The following GABPB2 variants were observed in gnomAD, a reference collection of about 807,000 sequenced individuals.
GABPB2 encodes GA binding protein transcription factor subunit beta 2.
In GABPB2, 23 loss-of-function variants were observed where a neutral mutation model predicts 39.1. The observed-to-expected ratio is 0.59, with a 90% CI of 0.42 to 0.83. The LOEUF (loss-of-function observed/expected upper bound fraction) is 0.83, where lower values mean the gene tolerates loss of function less well. Among genes scored for constraint, GABPB2 ranks in the 40% least tolerant of loss-of-function variants. The pLI is 0.00. For missense variants in GABPB2, 467 were observed against 541.1 expected, an observed-to-expected ratio of 0.86 and a Z score of 1.36; for synonymous variants, 184 against 199.3, an observed-to-expected ratio of 0.92 and a Z score of 0.65.
At chr1:151,072,108 A>C (rs764595959) in intron 1 of GABPB2, among the ~76,000 whole-genome samples, 1 of 152,240 alleles carries the variant, frequency 6.6e-6, no homozygotes, top group African/African-American at 2.4e-5. Context: ...ATGTATTTTC[A>C]CACGTGCTTT....
At chr1:151,088,078 G>A in intron 1 of GABPB2, 112 bp from the exon 2 acceptor site, 1 of 681,674 alleles carries the variant, frequency 1.5e-6, no homozygotes, top group Non-Finnish European at 2.6e-6. Context: ...CAGTCAACTT[G>A]AGATGTATCT....
At chr1:151,084,550 T>A (rs1678010731) in intron 1 of GABPB2, among the ~76,000 whole-genome samples, 1 of 139,104 alleles carries the variant, frequency 7.2e-6, no homozygotes, top group Non-Finnish European at 1.6e-5. Context: ...TTTTTTTTTT[T>A]TTGAGACGGA....
At chr1:151,104,643 A>G (rs1679789496) in intron 6 of GABPB2, among the ~76,000 whole-genome samples, 1 of 152,100 alleles carries the variant, frequency 6.6e-6, no homozygotes, top group Non-Finnish European at 1.5e-5. Context: ...CAGCTTTAAT[A>G]TTTAACTGTT....
chr1:151,088,013 C>A, intron 1 of GABPB2, 177 bp from the exon 2 acceptor site: 1 of 553,340 alleles, frequency 1.8e-6, no homozygotes, highest in Non-Finnish European at 3.3e-6. Flanking sequence ...TTGAAACATT[C>A]CCAAATATTT....
intron 6 of GABPB2, among the ~76,000 whole-genome samples, chr1:151,104,804 T>TC (rs34894221): frequency 1.3e-5 from 2 of 150,074 alleles, no homozygotes; most frequent in Non-Finnish European, 3.0e-5. Flanking sequence ...TTTCTTTCTT[T>TC]TCTTTCTTTC....
At chr1:151,109,284 A>G (rs1680196802) in intron 7 of GABPB2, among the ~76,000 whole-genome samples, 1 of 148,974 alleles carries the variant, frequency 6.7e-6, no homozygotes, top group South Asian at 2.1e-4. Flanking sequence ...CTTGGCTTAA[A>G]TGATTGTGGG....
chr1:151,109,885 C>G (rs1012835762), intron 7 of GABPB2, among the ~76,000 whole-genome samples: 10 of 151,786 alleles, frequency 6.6e-5, no homozygotes, highest in African/African-American at 2.4e-4. Flanking sequence ...GTCACCCAGG[C>G]TGGAGTGCAG....
intron 4 of GABPB2, among the ~76,000 whole-genome samples, 199 bp downstream of exon 4, chr1:151,093,585 C>T (rs587675525): frequency 1.8e-4 from 27 of 149,294 alleles, no homozygotes; most frequent in African/African-American, 4.6e-4. Context: ...TATATGTATA[C>T]GCATATATAT....
In GABPB2 at chr1:151,119,479, C is replaced by T; in HGVS notation, c.*1223C>T. On this transcript the variant is annotated 3_prime_UTR_variant, in exon 9 of 9. Coordinates refer to ENST00000368918, the MANE Select transcript of GABPB2 (RefSeq NM_144618.3). ...AATTGGCCGGGCGCAGCGGCTCACG[C>T]CTGTAATCCCAGCACTTTCGGAGGC... is the stretch of plus-strand genomic sequence containing the variant. 1 of 152,396 alleles carries T rather than the reference C, an allele frequency of 6.6e-6. No individual in the cohort carries two copies. Among genetic ancestry groups the T allele is most frequent in the Non-Finnish European group, 1.5e-5 (1 of 68,176 alleles). 9.4% of individuals were successfully genotyped at this position (152,396 alleles called of 1,614,324 possible). A position where few individuals can be genotyped will look rare whatever the true frequency, so the allele number is the denominator to read the frequency against.
At chr1:151,072,070 A>G (rs983309420) in intron 1 of GABPB2, among the ~76,000 whole-genome samples, 1 of 152,200 alleles carries the variant, frequency 6.6e-6, no homozygotes, top group African/African-American at 2.4e-5. Flanking sequence ...CACTTGGTCC[A>G]CCCAATCCAG....
intron 1 of GABPB2, among the ~76,000 whole-genome samples, chr1:151,073,692 C>T (rs986201677): frequency 2.6e-5 from 4 of 152,010 alleles, no homozygotes; most frequent in African/African-American, 4.8e-5. Flanking sequence ...GAGGCTGAGG[C>T]GGGCAGATCA....
intron 1 of GABPB2, among the ~76,000 whole-genome samples, chr1:151,078,576 G>A (rs587759152): frequency 6.6e-6 from 1 of 151,700 alleles, no homozygotes; most frequent in African/African-American, 2.4e-5. Context: ...CTGGGCCACA[G>A]AGCAAGACTC....
intron 1 of GABPB2, among the ~76,000 whole-genome samples, chr1:151,074,156 T>C (rs1308475035): frequency 1.3e-5 from 2 of 150,032 alleles, no homozygotes; most frequent in Non-Finnish European, 3.0e-5. Context: ...TTTGTATTTT[T>C]AGTAGAGACG....
rs587654912 is a variant in GABPB2 at position 151,082,897 on chromosome 1, G to A, written c.1-5293G>A. On this transcript the variant is annotated intron_variant, in intron 1 of 8. Transcript: ENST00000368918. ...AGGCTGAGGACGGAGGATTGCTTGA[G>A]CCCAGGAGTTCAAGGCTGCAGTGAG... is the stretch of plus-strand genomic sequence containing the variant. Among the ~76,000 whole-genome samples, 225 of 151,458 alleles carry A rather than the reference G, an allele frequency of 1.5e-3. 1 individual carries two copies. The highest frequency in any genetic ancestry group is 5.4e-3 in the African/African-American group (221 of 41,308).
In GABPB2 at chr1:151,122,067, A is replaced by G. The variant is rs1329297408; in HGVS notation, c.*3811A>G. ...TAGTGAAGTAATTTGCTGCAGTGTT[A>G]CAGAGGAGCAGAATCACTTGGGTCT... On this transcript the variant is annotated 3_prime_UTR_variant, in exon 9 of 9. Transcript: ENST00000368918. 6.6e-6 allele frequency: 1 copy of G among 152,242 alleles called. No homozygotes were observed. Among genetic ancestry groups the G allele is most frequent in the African/African-American group, 2.4e-5 (1 of 41,462 alleles). The allele number at this position is 152,242 out of a possible 1,614,324, so 9.4% of individuals were successfully genotyped here.
At chr1:151,105,638 T>C (rs1392806160) in intron 6 of GABPB2, among the ~76,000 whole-genome samples, 1 of 151,738 alleles carries the variant, frequency 6.6e-6, no homozygotes, top group African/African-American at 2.4e-5. Context: ...ATCAGCCTCC[T>C]GAGTAGCTAG....
chr1:151,111,703 C>T (rs1437776840), intron 7 of GABPB2, among the ~76,000 whole-genome samples: 3 of 144,938 alleles, frequency 2.1e-5, no homozygotes, highest in East Asian at 2.1e-4. Context: ...TGAGCCACCG[C>T]GCCCGGCCTA....
At chr1:151,076,554 G>A (rs1428240436) in intron 1 of GABPB2, among the ~76,000 whole-genome samples, 6 of 148,634 alleles carry the variant, frequency 4.0e-5, no homozygotes, top group Non-Finnish European at 1.5e-5. Flanking sequence ...ATCAGCCTCC[G>A]GAGTAGCTGG....
At position 151,118,419 on chromosome 1, in the gene GABPB2, A is replaced by G. The variant is rs1275480177; in HGVS notation, c.*163A>G. 1.6e-6 allele frequency: 1 copy of G among 636,730 alleles called. No individual in the cohort carries two copies. Among genetic ancestry groups the G allele is most frequent in the East Asian group, 2.8e-5 (1 of 35,346 alleles). The allele number at this position is 636,730 out of a possible 1,614,324, so 39.4% of individuals were successfully genotyped here. ...GGAAGTTTCTCTGTGCAACTAGAAA[A>G]TTCAAAGCCATATTTAGGGAACATT... On this transcript the variant is annotated 3_prime_UTR_variant, in exon 9 of 9. Coordinates refer to ENST00000368918, the MANE Select transcript of GABPB2 (RefSeq NM_144618.3).
Sources: gnomAD v4.1 joint callset for allele counts (sites outside exome capture counted in the v4.1 genomes callset) on GRCh38, gnomAD v4.1.1 for gene constraint, MANE v1.5 for transcripts, NCBI Gene and HGNC (gene_info 2026-07-23, HGNC 2026-07-21) for gene names.